The following DNAAF1 variants were observed in gnomAD, a reference collection of about 807,000 sequenced individuals.
The protein encoded by DNAAF1 is dynein assembly factor 1, axonemal.
In DNAAF1, 65 loss-of-function variants were observed where a neutral mutation model predicts 71.1. That is an observed-to-expected ratio of 0.91 (90% CI 0.75 to 1.12). The LOEUF is 1.12. Among genes scored for constraint, DNAAF1 ranks in the 50% most tolerant of loss-of-function variants. DNAAF1 has a pLI of 0.00. For missense variants in DNAAF1, 1,178 were observed against 899.8 expected (o/e 1.31, Z -3.96); for synonymous variants, 414 against 354.6 (o/e 1.17, Z -1.88).
intron 5 of DNAAF1, among the ~76,000 whole-genome samples, chr16:84,156,823 TCTTTC>T (rs945792671): frequency 7.2e-6 from 1 of 139,200 alleles, no homozygotes; most frequent in Non-Finnish European, 1.6e-5. Flanking sequence ...TCTTTTCTTT[TCTTTC>T]CTTTCCTTTT....
In DNAAF1 at chr16:84,150,616, CTT is replaced by C. The variant is rs754336069; in HGVS notation, c.352+290_352+291del. 3.6e-3 allele frequency among the ~76,000 whole-genome samples: 472 copies of C among 130,308 alleles called. 2 individuals carry two copies. The highest frequency in any genetic ancestry group is 0.012 in the African/African-American group (424 of 34,106). The allele number at this position is 130,308 out of a possible 152,430, so 85.5% of individuals were successfully genotyped here. ...TAAGGAATTTTTTTTTCTTTTCTTT[CTT>C]TTTTTTTTTTTTTTTGAGATGGTGT... On this transcript the variant is annotated intron_variant, in intron 3 of 11. Coordinates refer to ENST00000378553, the MANE Select transcript of DNAAF1 (RefSeq NM_178452.6).
intron 2 of DNAAF1, 118 bp from the exon 3 acceptor site, chr16:84,150,133 C>A: frequency 1.4e-6 from 1 of 733,042 alleles, no homozygotes; most frequent in Non-Finnish European, 2.5e-6. Flanking sequence ...AAATAGGTAT[C>A]AGGGATATAG....
At position 84,176,255 on chromosome 16, in the gene DNAAF1, C is replaced by G. The variant is rs750398994; in HGVS notation, c.2021C>G (p.Ser674Cys). ...TCQRDAAPLT[S>C]SGDRDSDFLA... ...CAAAGAGATGCTGCACCACTCACTT[C>G]CAGTGGAGACAGGGACAGCGACTTC... The change falls in exon 11 of 12, where the codon TCC (serine) becomes TGC (cysteine). Residue 674 changes from serine (S) to cysteine (C), a missense_variant. Ser to Cys is a moderately radical substitution (Grantham distance 112). Transcript: ENST00000378553. 1 of 1,613,692 alleles carries G rather than the reference C, an allele frequency of 6.2e-7. No homozygotes were observed. Among genetic ancestry groups the G allele is most frequent in the Admixed American group, 1.7e-5 (1 of 60,024 alleles).
intron 3 of DNAAF1, 69 bp from the exon 4 acceptor site, chr16:84,154,508 A>C (rs1166204977): frequency 6.3e-6 from 9 of 1,427,084 alleles, no homozygotes; most frequent in Non-Finnish European, 8.8e-6. Flanking sequence ...GTAGGCAAAA[A>C]CAAGGGTGAC....
Position 84,176,311 on chromosome 16 carries a change from G to A in DNAAF1, c.2065+12G>A. On this transcript the variant is annotated intron_variant, in intron 11 of 11. Transcript: ENST00000378553. ...AGCCTCTTCTCCGGGTAAGAGCGTGGGGCCGAGAGCACAGTGGAGACAATG... is the reference window on the plus strand; with the variant it reads ...AGCCTCTTCTCCGGGTAAGAGCGTGAGGCCGAGAGCACAGTGGAGACAATG... The A allele has an allele frequency of 6.2e-7, 1 of 1,613,086 alleles. No individual in the cohort carries two copies. The highest frequency in any genetic ancestry group is 1.1e-5 in the South Asian group (1 of 91,066).
chr16:84,145,599 G>A, intron 1 of DNAAF1, 35 bp downstream of exon 1: 1 of 1,540,530 alleles, frequency 6.5e-7, no homozygotes, highest in South Asian at 1.2e-5. Context: ...CGGTGGGCGA[G>A]GGGCAGACAC....
At chr16:84,148,930 AT>A (rs2151205988) in intron 1 of DNAAF1, 76 bp from the exon 2 acceptor site, 1 of 1,553,750 alleles carries the variant, frequency 6.4e-7, no homozygotes, top group African/African-American at 1.4e-5. Flanking sequence ...GTGGATGGTC[AT>A]TAACCAAGCT....
chr16:84,170,397 T>G lies in DNAAF1; in HGVS notation c.1528+41T>G, dbSNP rs750204912. ...AAACACACACAGACACACACACCTC[T>G]CAGGGAGCCCCAGCCTTCGACTCAC... On this transcript the variant is annotated intron_variant, in intron 8 of 11. Transcript: ENST00000378553. The G allele has an allele frequency of 4.3e-6, 7 of 1,612,466 alleles. No individual in the cohort carries two copies. In the South Asian group the frequency reaches 7.7e-5, roughly 18 times the overall value.
chr16:84,151,981 A>T (rs1488447046), intron 3 of DNAAF1, among the ~76,000 whole-genome samples: 6 of 152,220 alleles, frequency 3.9e-5, no homozygotes, highest in Non-Finnish European at 8.8e-5. Flanking sequence ...CTCCTGTCTT[A>T]CTGCATCGCT....
chr16:84,172,985 T>C, intron 9 of DNAAF1: 1 of 996,158 alleles, frequency 1.0e-6, no homozygotes. Flanking sequence ...ACCATGGGAA[T>C]TCACACATTG....
intron 9 of DNAAF1, chr16:84,174,443 T>G: frequency 7.0e-7 from 1 of 1,420,536 alleles, no homozygotes; most frequent in Middle Eastern, 2.6e-4. Context: ...CGTCACACCT[T>G]GCAAGTTCCC....
At chr16:84,164,792 T>C (rs1002060374) in intron 6 of DNAAF1, among the ~76,000 whole-genome samples, 1 of 152,220 alleles carries the variant, frequency 6.6e-6, no homozygotes, top group East Asian at 1.9e-4. Flanking sequence ...AGGAGCACAA[T>C]TGCTGGATCA....
At chr16:84,169,015 T>C (rs2088176820) in intron 7 of DNAAF1, among the ~76,000 whole-genome samples, 1 of 151,242 alleles carries the variant, frequency 6.6e-6, no homozygotes, top group Non-Finnish European at 1.5e-5. Flanking sequence ...GTGCCTTCCG[T>C]AGGCATTTGG....
At chr16:84,177,007 TTCAGG>T (rs1200512051) in intron 11 of DNAAF1, 1 of 166,068 alleles carries the variant, frequency 6.0e-6, no homozygotes, top group Non-Finnish European at 1.3e-5. Context: ...AGCATCTGCC[TTCAGG>T]TGCACTCCCA....
intron 5 of DNAAF1, among the ~76,000 whole-genome samples, chr16:84,158,557 C>G (rs553721472): frequency 6.6e-6 from 1 of 152,260 alleles, no homozygotes; most frequent in East Asian, 1.9e-4. Flanking sequence ...CAATTCAGCC[C>G]AGAACGAAAG....
Position 84,162,619 on chromosome 16 carries a change from G to A in DNAAF1, c.863+2823G>A, listed in dbSNP as rs188548582. On this transcript the variant is annotated intron_variant, in intron 6 of 11. Transcript: ENST00000378553. ...GCAGATCACCAGGTCAAGAGATTGAGACCATCCTGGCCAACACGGTGAAAC... is the reference window on the plus strand; with the variant it reads ...GCAGATCACCAGGTCAAGAGATTGAAACCATCCTGGCCAACACGGTGAAAC... 1.6e-4 allele frequency among the ~76,000 whole-genome samples: 24 copies of A among 152,076 alleles called. 1 individual carries two copies. The East Asian group carries it at 4.5e-3, about 28-fold the overall frequency.
At chr16:84,169,209 G>GAAT (rs1372290938) in intron 7 of DNAAF1, among the ~76,000 whole-genome samples, 1 of 149,118 alleles carries the variant, frequency 6.7e-6, no homozygotes, top group Non-Finnish European at 1.5e-5. Context: ...TAGTAGCTGG[G>GAAT]ATTATAGGCA....
rs1204834834 is a variant in DNAAF1, at chr16:84,154,785, C to A, written c.561C>A (p.Thr187=). The change falls in exon 4 of 12, where the codon ACC becomes ACA. Residue 187 remains threonine (T), a synonymous_variant. Transcript: ENST00000378553. The part of the protein sequence containing the change: ...ALNLSNNYIK[T]IENLSCLPVL... ...ACCTCAGCAACAATTACATCAAGAC[C>A]ATTGAAAACCTCTGTAAGGGTACCC... 6.2e-7 allele frequency: 1 copy of A among 1,613,690 alleles called. No homozygotes were observed. The highest frequency in any genetic ancestry group is 8.5e-7 in the Non-Finnish European group (1 of 1,179,718).
At chr16:84,176,738 G>A in intron 11 of DNAAF1, 1 of 276,924 alleles carries the variant, frequency 3.6e-6, no homozygotes, top group South Asian at 3.9e-5. Context: ...ACAAGGGCGT[G>A]GCTGCTTCAC....
Sources: gnomAD v4.1 joint callset for allele counts (sites outside exome capture counted in the v4.1 genomes callset) on GRCh38, gnomAD v4.1.1 for gene constraint, MANE v1.5 for transcripts, NCBI Gene and HGNC (gene_info 2026-07-23, HGNC 2026-07-21) for gene names.